ADAMTS19: variants seen among roughly 807,000 people sequenced by gnomAD.
ADAMTS19 encodes ADAM metallopeptidase with thrombospondin type 1 motif 19.
ADAMTS19 carries 93 observed loss-of-function variants against 153.3 expected under a neutral mutation model. That is an observed-to-expected ratio of 0.61 (90% CI 0.51 to 0.72). The LOEUF (loss-of-function observed/expected upper bound fraction) is 0.72, where lower values mean the gene tolerates loss of function less well. Ranked by LOEUF, ADAMTS19 falls within the 30% of genes least tolerant of loss-of-function variation. The pLI is 0.00. For synonymous variants in ADAMTS19, 600 were observed against 556.6 expected (o/e 1.08, Z -1.10); for missense variants, 1,482 against 1,552.1 (o/e 0.95, Z 0.76).
intron 21 of ADAMTS19, among the ~76,000 whole-genome samples, chr5:129,707,686 T>A (rs568501253): frequency 6.6e-6 from 1 of 152,322 alleles, no homozygotes; most frequent in South Asian, 2.1e-4. Context: ...GAAACAGGAA[T>A]AGCAACAAGA....
intron 20 of ADAMTS19, among the ~76,000 whole-genome samples, chr5:129,703,825 GTTAT>G (rs1756021499): frequency 6.6e-6 from 1 of 152,098 alleles, no homozygotes; most frequent in Non-Finnish European, 1.5e-5. Flanking sequence ...TGGGGAAATT[GTTAT>G]TTTTCACAAA....
At chr5:129,655,208 G>C (rs1753492855) in intron 14 of ADAMTS19, among the ~76,000 whole-genome samples, 1 of 152,208 alleles carries the variant, frequency 6.6e-6, no homozygotes, top group South Asian at 2.1e-4. Context: ...GCAGTCACAA[G>C]ACCTTAGCTG....
rs531238749 is a variant in ADAMTS19, at chr5:129,679,972, G to A, written c.2664+51G>A. On this transcript the variant is annotated intron_variant, in intron 17 of 22. Transcript: ENST00000274487. ...GGCATAATCAACTTCTCATGGCAAG[G>A]AATATTCCCAGTGCACTTCCTCTAA... 138 of 1,535,094 alleles carry A rather than the reference G, an allele frequency of 9.0e-5. 2 individuals are homozygous for A. In the South Asian group the frequency reaches 1.7e-3, roughly 19 times the overall value.
At chr5:129,682,887 AC>A (rs1005373543) in intron 17 of ADAMTS19, among the ~76,000 whole-genome samples, 3 of 152,074 alleles carry the variant, frequency 2.0e-5, no homozygotes, top group African/African-American at 7.2e-5. Context: ...ACTGAACAAA[AC>A]TCTGAGAAAA....
chr5:129,549,309 A>C (rs1352411932), intron 6 of ADAMTS19, among the ~76,000 whole-genome samples: 2 of 151,704 alleles, frequency 1.3e-5, no homozygotes, highest in African/African-American at 4.8e-5. Context: ...GATATTATAT[A>C]ACTAGCTTTT....
chr5:129,616,163 T>A (rs1451436870), intron 8 of ADAMTS19, among the ~76,000 whole-genome samples: 1 of 151,932 alleles, frequency 6.6e-6, no homozygotes, highest in Non-Finnish European at 1.5e-5. Context: ...GATACAAAAA[T>A]ATATTGTATA....
At chr5:129,628,794 C>T (rs1187017868) in intron 10 of ADAMTS19, among the ~76,000 whole-genome samples, 1 of 151,988 alleles carries the variant, frequency 6.6e-6, no homozygotes, top group Admixed American at 6.6e-5. Context: ...CAGTTGCCTA[C>T]AATATACAGT....
In ADAMTS19 at chr5:129,461,529, G is replaced by A. The variant is rs1749661980; in HGVS notation, c.519G>A (p.Leu173=). The A allele has an allele frequency of 6.5e-7, 1 of 1,527,358 alleles. No homozygotes were observed. Among genetic ancestry groups the A allele is most frequent in the Admixed American group, 2.0e-5 (1 of 49,706 alleles). The allele number at this position is 1,527,358 out of a possible 1,614,324, so 94.6% of individuals were successfully genotyped here. The change falls in exon 2 of 23, where the codon CTG becomes CTA. Residue 173 remains leucine, a synonymous_variant. Coordinates refer to ENST00000274487, the MANE Select transcript of ADAMTS19 (RefSeq NM_133638.6). The surrounding 1 kb of genome is among the most constrained non-coding windows in gnomAD (Gnocchi z 4.6). ...AGCCGGATGGCGACGAAGTGTTGCT[G>A]CGGATCCCGGCCTTCTCTCGGGACC... is the stretch of plus-strand genomic sequence containing the variant. The part of the protein sequence containing the change: ...HAEPDGDEVL[L]RIPAFSRDLY...
intron 15 of ADAMTS19, among the ~76,000 whole-genome samples, chr5:129,661,965 G>T (rs1361996308): frequency 6.6e-6 from 1 of 152,136 alleles, no homozygotes; most frequent in African/African-American, 2.4e-5. Flanking sequence ...AGGAGAAACA[G>T]ACAGACCTGA....
At chr5:129,659,673 C>T (rs527656749) in intron 15 of ADAMTS19, among the ~76,000 whole-genome samples, 26 of 152,244 alleles carry the variant, frequency 1.7e-4, no homozygotes, top group African/African-American at 6.3e-4. Flanking sequence ...CTTAACCTCC[C>T]ATGCTCAAAC....
At chr5:129,647,284 T>G (rs923045977) in intron 11 of ADAMTS19, among the ~76,000 whole-genome samples, 11 of 151,206 alleles carry the variant, frequency 7.3e-5, no homozygotes, top group Admixed American at 5.9e-4. Flanking sequence ...AAACTACAAG[T>G]TAAAAAAGTA....
In ADAMTS19 at chr5:129,481,065, AC is replaced by A. The variant is rs199837327; in HGVS notation, c.747+19312del. Among the ~76,000 whole-genome samples the A allele has an allele frequency of 1.9e-4, 29 of 152,300 alleles. No homozygotes were observed. The East Asian group carries it at 5.6e-3, about 29-fold the overall frequency. ...AACGAAAAGCAACGTGCAGCCTTTT[AC>A]CCCTGTATTAGTCTGTTCTCACACT... is the stretch of plus-strand genomic sequence containing the variant. On this transcript the variant is annotated intron_variant, in intron 2 of 22. Coordinates refer to ENST00000274487, the MANE Select transcript of ADAMTS19 (RefSeq NM_133638.6).
In ADAMTS19 at chr5:129,725,848, A is replaced by G. The variant is rs112125230; in HGVS notation, c.3313-9084A>G. Reference sequence around the variant, plus strand: ...AGGGGTCCATTCAATTAGTTGGGGGACTTAGAATTTTATTGTTGGTTTACA... The same window carrying G: ...AGGGGTCCATTCAATTAGTTGGGGGGCTTAGAATTTTATTGTTGGTTTACA... On this transcript the variant is annotated intron_variant, in intron 21 of 22. Coordinates refer to ENST00000274487, the MANE Select transcript of ADAMTS19 (RefSeq NM_133638.6). Among the ~76,000 whole-genome samples, 796 of 151,988 alleles carry G rather than the reference A, an allele frequency of 5.2e-3. 3 individuals are homozygous for G. The highest frequency in any genetic ancestry group is 0.018 in the African/African-American group (727 of 41,440).
chr5:129,587,153 C>T (rs1451737129), intron 7 of ADAMTS19, among the ~76,000 whole-genome samples: 3 of 152,056 alleles, frequency 2.0e-5, no homozygotes, highest in Non-Finnish European at 4.4e-5. Context: ...TTATCAACTA[C>T]TAATTATATA....
chr5:129,592,712 T>A (rs1319824822), intron 7 of ADAMTS19, among the ~76,000 whole-genome samples: 1 of 152,178 alleles, frequency 6.6e-6, no homozygotes, highest in African/African-American at 2.4e-5. Flanking sequence ...ATGGTCACTT[T>A]AAGGGTTCTT....
chr5:129,705,427 A>G (rs1367943804), intron 21 of ADAMTS19, among the ~76,000 whole-genome samples: 1 of 152,094 alleles, frequency 6.6e-6, no homozygotes, highest in African/African-American at 2.4e-5. Flanking sequence ...AATATAAGCT[A>G]TTTTCTCATG....
intron 7 of ADAMTS19, among the ~76,000 whole-genome samples, chr5:129,558,950 AC>A: frequency 6.6e-6 from 1 of 152,200 alleles, no homozygotes; most frequent in South Asian, 2.1e-4. Flanking sequence ...CTTAGAGAGT[AC>A]ACAGAAATGT....
intron 2 of ADAMTS19, among the ~76,000 whole-genome samples, chr5:129,506,987 G>A (rs1751286852): frequency 6.6e-6 from 1 of 151,996 alleles, no homozygotes; most frequent in African/African-American, 2.4e-5. Flanking sequence ...TAGTTACACA[G>A]CTAGCAGTAA....
intron 18 of ADAMTS19, among the ~76,000 whole-genome samples, chr5:129,693,902 G>T (rs1024139023): frequency 6.6e-6 from 1 of 151,828 alleles, no homozygotes; most frequent in Non-Finnish European, 1.5e-5. Context: ...GAATTCTTGG[G>T]GTCTTTATTA....
Sources: allele counts gnomAD v4.1 joint callset (sites outside exome capture counted in the v4.1 genomes callset), GRCh38; gene constraint gnomAD v4.1.1; non-coding constraint Gnocchi (gnomAD v3.1); transcripts MANE v1.5; gene names NCBI Gene and HGNC (gene_info 2026-07-23, HGNC 2026-07-21).